The following ZBTB24 variants were observed in gnomAD, a reference collection of about 807,000 sequenced individuals.
ZBTB24 encodes zinc finger and BTB domain-containing protein 24.
ZBTB24 carries 32 observed loss-of-function variants against 53.8 expected under a neutral mutation model. The ratio of observed to expected loss-of-function variants is 0.60; its 90% CI spans 0.45 to 0.80. The LOEUF is 0.80. Among genes scored for constraint, ZBTB24 ranks in the 30% least tolerant of loss-of-function variants. The pLI is 0.00. For missense variants in ZBTB24, 722 were observed against 837.1 expected (o/e 0.86, Z 1.70); for synonymous variants, 297 against 306.7 (o/e 0.97, Z 0.33).
chr6:109,476,146 C>G (rs372649797), intron 4 of ZBTB24, 29 bp downstream of exon 4: 7 of 1,608,432 alleles, frequency 4.4e-6, no homozygotes, highest in Admixed American at 1.7e-5. Flanking sequence ...TTCTTCCCCC[C>G]CAATCTAAAT....
Position 109,462,921 on chromosome 6 carries a change from A to T in ZBTB24, c.*2930T>A, listed in dbSNP as rs1015490051. ...TGAATTGTGAAACACTGCACTAGCA[A>T]CATCATTTCTCAAGGACACATGAGA... On this transcript the variant is annotated 3_prime_UTR_variant, in exon 7 of 7. Coordinates refer to ENST00000230122, the MANE Select transcript of ZBTB24 (RefSeq NM_014797.3). 1 of 152,254 alleles carries T rather than the reference A, an allele frequency of 6.6e-6. No homozygotes were observed. The highest frequency in any genetic ancestry group is 2.1e-4 in the South Asian group (1 of 4,832). The allele number at this position is 152,254 out of a possible 1,614,324, so 9.4% of individuals were successfully genotyped here. A position where few individuals can be genotyped will look rare whatever the true frequency, so the allele number is the denominator to read the frequency against.
chr6:109,466,796 A>G (rs1250295109), intron 6 of ZBTB24, among the ~76,000 whole-genome samples: 1 of 152,152 alleles, frequency 6.6e-6, no homozygotes, highest in Admixed American at 6.5e-5. Context: ...AGGGTGGCAG[A>G]TGGGGCACGG....
intron 2 of ZBTB24, among the ~76,000 whole-genome samples, chr6:109,480,479 A>G (rs1295606101): frequency 6.6e-6 from 1 of 152,236 alleles, no homozygotes; most frequent in Admixed American, 6.5e-5. Flanking sequence ...TGGCCACCAT[A>G]TTGGACATCA....
Position 109,465,515 on chromosome 6 carries a change from G to T in ZBTB24, c.*336C>A. On this transcript the variant is annotated 3_prime_UTR_variant, in exon 7 of 7. Transcript: ENST00000230122. ...AAAACATAACTGGGGAGGTTGGCAA[G>T]ACCATAACCTATGGCTGTGAACATT... The T allele has an allele frequency of 1.1e-6, 1 of 872,544 alleles. No individual in the cohort carries two copies. Among genetic ancestry groups the T allele is most frequent in the Non-Finnish European group, 1.7e-6 (1 of 584,922 alleles). The allele number at this position is 872,544 out of a possible 1,614,324, so 54.1% of individuals were successfully genotyped here.
In ZBTB24 at chr6:109,464,571, T is replaced by C. The variant is rs1290224992; in HGVS notation, c.*1280A>G. Reference sequence around the variant, plus strand: ...CCTAACCCAAACATAATTTAATCTTTTGATGATGATTTAAAAATCATACAA... The same window carrying C: ...CCTAACCCAAACATAATTTAATCTTCTGATGATGATTTAAAAATCATACAA... On this transcript the variant is annotated 3_prime_UTR_variant, in exon 7 of 7. Coordinates refer to ENST00000230122, the MANE Select transcript of ZBTB24 (RefSeq NM_014797.3). 2.0e-5 allele frequency: 3 copies of C among 152,184 alleles called. No individual in the cohort carries two copies. Among genetic ancestry groups the C allele is most frequent in the African/African-American group, 7.2e-5 (3 of 41,430 alleles). 9.4% of individuals were successfully genotyped at this position (152,184 alleles called of 1,614,324 possible).
chr6:109,479,902 C>A lies in ZBTB24; in HGVS notation c.952+1173G>T, dbSNP rs534000723. ...CTGCACTCTAGCCTGGGTGACAGAG[C>A]GAGAATCCATCTCAAAAAAAAAAAA... is the stretch of plus-strand genomic sequence containing the variant. On this transcript the variant is annotated intron_variant, in intron 2 of 6. Transcript: ENST00000230122. Among the ~76,000 whole-genome samples, 3 of 107,604 alleles carry A rather than the reference C, an allele frequency of 2.8e-5. No homozygotes were observed. In the Admixed American group the frequency reaches 4.5e-4, roughly 16 times the overall value. 70.6% of individuals were successfully genotyped at this position (107,604 alleles called of 152,430 possible). A position where few individuals can be genotyped will look rare whatever the true frequency, so the allele number is the denominator to read the frequency against.
chr6:109,475,514 A>G (rs1451300165), intron 4 of ZBTB24, 32 bp from the exon 5 acceptor site: 5 of 1,609,608 alleles, frequency 3.1e-6, no homozygotes, highest in Non-Finnish European at 4.3e-6. Flanking sequence ...GTGTCAGTGC[A>G]TACATGCTCT....
rs1466235250 is a variant in ZBTB24, at chr6:109,481,855, T to C, written c.172A>G (p.Ser58Gly). The part of the protein sequence containing the change: ...FRAHKALLAA[S>G]SEYFSMMFAE... The stretch of plus-strand genomic sequence containing the variant: ...AACATCATTGAGAAGTATTCACTAC[T>C]GGCAGCAAGTAAGGCTTTGTGGGCC... The change falls in exon 2 of 7, where the codon AGT becomes GGT. Residue 58 changes from serine (S) to glycine (G), a missense_variant. Physicochemically the swap from Ser to Gly is moderately conservative, Grantham distance 56 (BLOSUM62 0). Coordinates refer to ENST00000230122, the MANE Select transcript of ZBTB24 (RefSeq NM_014797.3). 1 of 1,614,238 alleles carries C rather than the reference T, an allele frequency of 6.2e-7. No homozygotes were observed. The highest frequency in any genetic ancestry group is 8.5e-7 in the Non-Finnish European group (1 of 1,180,038).
chr6:109,482,430 C>T (rs1776442938), intron 1 of ZBTB24, among the ~76,000 whole-genome samples: 1 of 151,912 alleles, frequency 6.6e-6, no homozygotes, highest in African/African-American at 2.4e-5. Context: ...CGTGCCACTG[C>T]ACTCCAGCCT....
At chr6:109,479,457 A>G (rs990924569) in intron 2 of ZBTB24, among the ~76,000 whole-genome samples, 2 of 152,226 alleles carry the variant, frequency 1.3e-5, no homozygotes, top group African/African-American at 4.8e-5. Context: ...TTCAAAGTAC[A>G]GTTTCTGTTG....
chr6:109,476,672 T>G (rs1776283945), intron 3 of ZBTB24, 91 bp downstream of exon 3: 2 of 1,516,220 alleles, frequency 1.3e-6, no homozygotes, highest in Non-Finnish European at 1.8e-6. Flanking sequence ...GAAATGATAC[T>G]AGGCTGAGAA....
At chr6:109,482,894 T>TG (rs912142605) in intron 1 of ZBTB24, among the ~76,000 whole-genome samples, 1 of 152,176 alleles carries the variant, frequency 6.6e-6, no homozygotes, top group Non-Finnish European at 1.5e-5. Flanking sequence ...TTAAGCTGCG[T>TG]GGGGCCGCCA....
chr6:109,482,013 G>A lies in ZBTB24; in HGVS notation c.14C>T (p.Ser5Leu), dbSNP rs192918926. The A allele has an allele frequency of 2.1e-4, 335 of 1,614,118 alleles. 3 individuals carry two copies. In the East Asian group the frequency reaches 5.5e-3, roughly 27 times the overall value. ...AACAAGCTGCCCAGAAGGCTCTGGC[G>A]ATGTTTCTGCCATTTTCTTCAGAAG... MAET[S>L]PEPSGQLVVH... The change falls in exon 2 of 7, where the codon TCG becomes TTG. Residue 5 changes from serine (S) to leucine (L), a missense_variant. By Grantham distance (145) the Ser-to-Leu change is moderately radical (BLOSUM62 -2). Coordinates refer to ENST00000230122, the MANE Select transcript of ZBTB24 (RefSeq NM_014797.3).
chr6:109,481,145 G>C lies in ZBTB24; in HGVS notation c.882C>G (p.Ala294=). The C allele has an allele frequency of 4.3e-6, 7 of 1,614,160 alleles. No individual in the cohort carries two copies. Among genetic ancestry groups the C allele is most frequent in the Non-Finnish European group, 5.9e-6 (7 of 1,180,028 alleles). ...GRRKRPGGPE[A]RCKDCGKVFK... ...AGACCTTGCCACAGTCTTTACAGCG[G>C]GCCTCAGGGCCTCCAGGGCGCTTTC... The change falls in exon 2 of 7, where the codon GCC becomes GCG. Residue 294 remains alanine (A), a synonymous_variant. Transcript: ENST00000230122.
intron 4 of ZBTB24, 54 bp from the exon 5 acceptor site, chr6:109,475,536 C>T: frequency 6.3e-7 from 1 of 1,593,456 alleles, no homozygotes; most frequent in Non-Finnish European, 8.6e-7. Flanking sequence ...CCTGCCTTTT[C>T]TTCAGTGATT....
chr6:109,481,117 T>TA lies in ZBTB24; in HGVS notation c.909dup (p.Lys304Ter), dbSNP rs770082593. The stretch of plus-strand genomic sequence containing the variant: ...TGGATTGCTAAAAAGTGATTGTACT[T>TA]AAAGACCTTGCCACAGTCTTTACAG... On this transcript the variant is annotated frameshift_variant, in exon 2 of 7. Transcript: ENST00000230122. LOFTEE classifies it high-confidence loss of function. 4.3e-6 allele frequency: 7 copies of TA among 1,614,094 alleles called. No homozygotes were observed. The highest frequency in any genetic ancestry group is 5.9e-6 in the Non-Finnish European group (7 of 1,180,048).
chr6:109,473,380 G>A (rs1399177111), intron 5 of ZBTB24, among the ~76,000 whole-genome samples: 3 of 152,018 alleles, frequency 2.0e-5, no homozygotes, highest in African/African-American at 7.2e-5. Flanking sequence ...AGGGCCCTGT[G>A]CCCAGGGCTC....
At chr6:109,475,835 A>C (rs1776266759) in intron 4 of ZBTB24, among the ~76,000 whole-genome samples, 1 of 152,234 alleles carries the variant, frequency 6.6e-6, no homozygotes, top group South Asian at 2.1e-4. Flanking sequence ...AGGGGAGAGA[A>C]AGCCTGGGCT....
At position 109,483,150 on chromosome 6, in the gene ZBTB24, C is replaced by T. The variant is rs1269475183; in HGVS notation, c.-81G>A. The T allele has an allele frequency of 6.6e-6, 1 of 152,208 alleles. No individual in the cohort carries two copies. Among genetic ancestry groups the T allele is most frequent in the Non-Finnish European group, 1.5e-5 (1 of 68,094 alleles). 9.4% of individuals were successfully genotyped at this position (152,208 alleles called of 1,614,324 possible). A position where few individuals can be genotyped will look rare whatever the true frequency, so the allele number is the denominator to read the frequency against. ...GGGGCCCGCTGGCCCTCCGCTCCGC[C>T]CCGCCCGCCTCTGGGGCTTCTGCGC... On this transcript the variant is annotated 5_prime_UTR_variant, in exon 1 of 7. Coordinates refer to ENST00000230122, the MANE Select transcript of ZBTB24 (RefSeq NM_014797.3).
Sources: gnomAD v4.1 joint callset for allele counts (sites outside exome capture counted in the v4.1 genomes callset) on GRCh38, gnomAD v4.1.1 for gene constraint, MANE v1.5 for transcripts, NCBI Gene and HGNC (gene_info 2026-07-23, HGNC 2026-07-21) for gene names.